Variants in NDST2 observed in about 807,000 individuals in gnomAD.
The protein encoded by NDST2 is N-deacetylase and N-sulfotransferase 2.
NDST2 carries 32 observed loss-of-function variants against 86.9 expected under a neutral mutation model. The observed-to-expected ratio is 0.37, with a 90% CI of 0.28 to 0.49. The LOEUF (loss-of-function observed/expected upper bound fraction) is 0.49, where lower values mean the gene tolerates loss of function less well. NDST2 is among the 20% of genes least tolerant of loss of function. The pLI is 0.97. For missense variants in NDST2, 950 were observed against 1,146.9 expected (o/e 0.83, Z 2.48); for synonymous variants, 409 against 437.0 (o/e 0.94, Z 0.80).
chr10:73,801,944 T>C lies in NDST2; in HGVS notation c.*507A>G. On this transcript the variant is annotated 3_prime_UTR_variant, in exon 15 of 15. Coordinates refer to ENST00000309979, the MANE Select transcript of NDST2 (RefSeq NM_003635.4). The surrounding 1 kb of genome is among the most constrained non-coding windows in gnomAD (Gnocchi z 4.9). The stretch of plus-strand genomic sequence containing the variant: ...AAATAAGGATGTTTATTAAGGACAT[T>C]TCTAGCCCACAGCTAGGGCTCATAC... 2.5e-6 allele frequency: 1 copy of C among 403,384 alleles called. No homozygotes were observed. Among genetic ancestry groups the C allele is most frequent in the South Asian group, 2.2e-5 (1 of 46,496 alleles). 25.0% of individuals were successfully genotyped at this position (403,384 alleles called of 1,614,324 possible).
In NDST2 at chr10:73,806,072, G is replaced by A. The variant is rs2084097274; in HGVS notation, c.1435-44C>T. 3 of 1,608,110 alleles carry A rather than the reference G, an allele frequency of 1.9e-6. No individual in the cohort carries two copies. Among genetic ancestry groups the A allele is most frequent in the African/African-American group, 2.7e-5 (2 of 74,750 alleles). ...ACAGATGAGATTTGAAAGATAGAAT[G>A]AGAAGTAGATGGAGGACACTGGGAT... On this transcript the variant is annotated intron_variant, in intron 6 of 14. Coordinates refer to ENST00000309979, the MANE Select transcript of NDST2 (RefSeq NM_003635.4). This position sits in a 1 kb window ranked among gnomAD's most constrained non-coding sequence, Gnocchi z 4.5.
Position 73,805,702 on chromosome 10 carries a change from C to T in NDST2, c.1631G>A (p.Ser544Asn), listed in dbSNP as rs765959805. The change falls in exon 8 of 15, where the codon AGC (serine) becomes AAC (asparagine). Residue 544 changes from serine to asparagine, a missense_variant. By Grantham distance (46) the Ser-to-Asn change is conservative. This residue lies in a region of NDST2 where 586 missense variants were observed against 714.0 expected (regional missense o/e 0.82). Transcript: ENST00000309979. ...CCAACACTGGAGGAAGCGCACCAAGCTCTCAAAGGTGTATAGGCCCAGCCG... is the reference window on the plus strand; with the variant it reads ...CCAACACTGGAGGAAGCGCACCAAGTTCTCAAAGGTGTATAGGCCCAGCCG... ...NDRLGLYTFE[S>N]LVRFLQCWTR... The T allele has an allele frequency of 1.7e-5, 28 of 1,614,086 alleles. No homozygotes were observed. Among genetic ancestry groups the T allele is most frequent in the Admixed American group, 5.0e-5 (3 of 59,998 alleles).
In NDST2 at chr10:73,803,925, G is replaced by A; in HGVS notation, c.1935C>T (p.Phe645=). 1 of 1,614,188 alleles carries A rather than the reference G, an allele frequency of 6.2e-7. No homozygotes were observed. The highest frequency in any genetic ancestry group is 8.5e-7 in the Non-Finnish European group (1 of 1,180,042). ...SPSTFEEIQF[F]NSPNYHKGID... ...TACCCTTGTGGTAATTAGGGCTGTTGAAGAACTGAATCTCCTCAAATGTGC... is the reference window on the plus strand; with the variant it reads ...TACCCTTGTGGTAATTAGGGCTGTTAAAGAACTGAATCTCCTCAAATGTGC... Residue 645 remains phenylalanine, a synonymous_variant, in exon 10 of 15, where the codon TTC becomes TTT. Transcript: ENST00000309979.
In NDST2 at chr10:73,807,000, C is replaced by G; in HGVS notation, c.1093+108G>C. The G allele has an allele frequency of 1.4e-6, 2 of 1,430,448 alleles. No homozygotes were observed. The highest frequency in any genetic ancestry group is 4.6e-5 in the East Asian group (2 of 43,740). The allele number at this position is 1,430,448 out of a possible 1,614,324, so 88.6% of individuals were successfully genotyped here. A position where few individuals can be genotyped will look rare whatever the true frequency, so the allele number is the denominator to read the frequency against. On this transcript the variant is annotated intron_variant, in intron 4 of 14. Coordinates refer to ENST00000309979, the MANE Select transcript of NDST2 (RefSeq NM_003635.4). The surrounding 1 kb of genome is among the most constrained non-coding windows in gnomAD (Gnocchi z 4.5). ...CCCACCACTAGCTCCTCACAGCAGTCTGACCCCAAACCTTGACCCTTTTCT... is the reference window on the plus strand; with the variant it reads ...CCCACCACTAGCTCCTCACAGCAGTGTGACCCCAAACCTTGACCCTTTTCT...
chr10:73,807,921 C>G lies in NDST2; in HGVS notation c.468G>C (p.Leu156=). 1 of 1,614,200 alleles carries G rather than the reference C, an allele frequency of 6.2e-7. No homozygotes were observed. The highest frequency in any genetic ancestry group is 2.2e-5 in the East Asian group (1 of 44,880). Residue 156 remains leucine (L), a synonymous_variant, in exon 3 of 15, where the codon CTG becomes CTC. Transcript: ENST00000309979. ...YVNLDAWSRE[L]LDRYCVEYGV... ...CATACTCCACGCAGTACCGGTCTAG[C>G]AGTTCCCGACTCCAGGCATCCAGGT...
At chr10:73,802,920 C>T (rs1457581899) in intron 13 of NDST2, 52 bp downstream of exon 13, 3 of 1,576,146 alleles carry the variant, frequency 1.9e-6, no homozygotes, top group Non-Finnish European at 2.6e-6. Flanking sequence ...CATGGTCAAC[C>T]TGCTTCCCCA....
intron 2 of NDST2, among the ~76,000 whole-genome samples, chr10:73,809,717 G>A (rs937647388): frequency 1.3e-5 from 2 of 152,166 alleles, no homozygotes; most frequent in South Asian, 4.1e-4. Flanking sequence ...CAGTTTTAAG[G>A]AGGTCTAATT....
intron 1 of NDST2, among the ~76,000 whole-genome samples, 161 bp from the exon 2 acceptor site, chr10:73,811,064 AGGCCGGGAC>A (rs911725440): frequency 6.6e-6 from 1 of 151,606 alleles, no homozygotes; most frequent in Non-Finnish European, 1.5e-5. Context: ...GGGCTTGGGG[AGGCCGGGAC>A]GGCCGGAGCA....
chr10:73,805,475 T>C (rs1241399213), intron 8 of NDST2, 112 bp downstream of exon 8: 14 of 1,045,658 alleles, frequency 1.3e-5, no homozygotes, highest in Non-Finnish European at 1.9e-5. Context: ...GATTGTGCCA[T>C]TGTACTCTAG....
intron 8 of NDST2, among the ~76,000 whole-genome samples, 166 bp downstream of exon 8, chr10:73,805,421 G>A (rs1400730886): frequency 1.3e-5 from 2 of 152,070 alleles, no homozygotes; most frequent in South Asian, 2.1e-4. Flanking sequence ...GGCTGAGGCA[G>A]GAGAATCGCT....
rs2084129784 is a variant in NDST2, at chr10:73,807,745, C to T, written c.644G>A (p.Ser215Asn). The T allele has an allele frequency of 1.2e-6, 2 of 1,614,054 alleles. No homozygotes were observed. The highest frequency in any genetic ancestry group is 1.3e-5 in the African/African-American group (1 of 74,928). ...AGGCAGTGGCCCTGGTTCTAGGCGG[C>T]TGGGGCGTGTGAGATGCAGTAGCGG... ...SAPLLHLTRP[S>N]RLEPGPLPGD... The change falls in exon 3 of 15, where the codon AGC (serine) becomes AAC (asparagine). Residue 215 changes from serine (S) to asparagine (N), a missense_variant. Physicochemically the swap from Ser to Asn is conservative, Grantham distance 46. Coordinates refer to ENST00000309979, the MANE Select transcript of NDST2 (RefSeq NM_003635.4).
In NDST2 at chr10:73,805,925, A is replaced by T. The variant is rs2084094437; in HGVS notation, c.1538T>A (p.Leu513His). The change falls in exon 7 of 15, where the codon CTC becomes CAC. Residue 513 changes from leucine (L) to histidine (H), a missense_variant. Physicochemically the swap from Leu to His is moderately conservative, Grantham distance 99. Transcript: ENST00000309979. ...CGGATTAAGCAGCACTGTCAGAAAGAGCTCTCCACCTCGGATGCTCCGGTC... is the reference window on the plus strand; with the variant it reads ...CGGATTAAGCAGCACTGTCAGAAAGTGCTCTCCACCTCGGATGCTCCGGTC... ...ELDRSIRGGE[L>H]FLTVLLNPIS... The T allele has an allele frequency of 6.2e-7, 1 of 1,614,198 alleles. No individual in the cohort carries two copies. Among genetic ancestry groups the T allele is most frequent in the Non-Finnish European group, 8.5e-7 (1 of 1,180,040 alleles).
rs761914289 is a variant in NDST2 at position 73,806,611 on chromosome 10, A to G, written c.1248+46T>C. 2 of 1,600,624 alleles carry G rather than the reference A, an allele frequency of 1.2e-6. No individual in the cohort carries two copies. The highest frequency in any genetic ancestry group is 3.4e-5 in the Admixed American group (2 of 59,638). ...GCCCATTAGGGGAAGGTAGAAAAGG[A>G]AGCATGGCTGGGAGAAATTATGGGG... On this transcript the variant is annotated intron_variant, in intron 5 of 14. Coordinates refer to ENST00000309979, the MANE Select transcript of NDST2 (RefSeq NM_003635.4). This position sits in a 1 kb window ranked among gnomAD's most constrained non-coding sequence, Gnocchi z 4.5.
chr10:73,811,115 C>A (rs1206903894), intron 1 of NDST2, among the ~76,000 whole-genome samples: 4 of 151,968 alleles, frequency 2.6e-5, no homozygotes, highest in Non-Finnish European at 2.9e-5. Flanking sequence ...CCGAGGGGGC[C>A]CGGGGCTGGC....
chr10:73,804,095 T>A lies in NDST2; in HGVS notation c.1844-79A>T. 2.6e-6 allele frequency: 4 copies of A among 1,537,556 alleles called. No homozygotes were observed. The Admixed American group carries it at 5.9e-5, about 23-fold the overall frequency. ...CTCAACAGCATAAGCTTGAAGGAAG[T>A]GAAAAAATAACCACTCTGGGTAGGA... On this transcript the variant is annotated intron_variant, in intron 9 of 14. Coordinates refer to ENST00000309979, the MANE Select transcript of NDST2 (RefSeq NM_003635.4).
Position 73,805,717 on chromosome 10 carries a change from A to G in NDST2, c.1616T>C (p.Leu539Pro). 6.2e-7 allele frequency: 1 copy of G among 1,614,240 alleles called. No homozygotes were observed. The highest frequency in any genetic ancestry group is 8.5e-7 in the Non-Finnish European group (1 of 1,180,044). The change falls in exon 8 of 15, where the codon CTA becomes CCA. Residue 539 changes from leucine (L) to proline (P), a missense_variant. Leu to Pro is a moderately conservative substitution (Grantham distance 98). Around this residue, in one of 5 missense-constraint regions of NDST2, gnomAD observed 586 missense variants for 714.0 expected, o/e 0.82. Transcript: ENST00000309979. ...GCGCACCAAGCTCTCAAAGGTGTAT[A>G]GGCCCAGCCGGTCATTTCCATAATT... ...LSNYGNDRLG[L>P]YTFESLVRFL...
chr10:73,802,456 C>T lies in NDST2; in HGVS notation c.2647G>A (p.Gly883Ser), dbSNP rs775977414. ...LREELQHSSL[G>S] The stretch of plus-strand genomic sequence containing the variant: ...TGGTATGGGAGGCTGGGACATCAGC[C>T]CAGACTGGAATGCTGCAGTTCTTCC... The change falls in exon 15 of 15, where the codon GGC becomes AGC. Residue 883 changes from glycine to serine, a missense_variant. Coordinates refer to ENST00000309979, the MANE Select transcript of NDST2 (RefSeq NM_003635.4). 60 of 1,612,656 alleles carry T rather than the reference C, an allele frequency of 3.7e-5. No homozygotes were observed. In the Admixed American group the frequency reaches 1.0e-3, roughly 27 times the overall value.
chr10:73,809,636 A>T (rs1483468967), intron 2 of NDST2, among the ~76,000 whole-genome samples: 1 of 152,240 alleles, frequency 6.6e-6, no homozygotes, highest in South Asian at 2.1e-4. Context: ...GGACTGGATG[A>T]CAGAGAGCAA....
intron 1 of NDST2, 89 bp downstream of exon 1, chr10:73,811,385 G>C (rs991980396): frequency 2.6e-5 from 4 of 152,704 alleles, no homozygotes; most frequent in African/African-American, 9.7e-5. Context: ...ACGACCCTGC[G>C]GGTGGTGATG....
Sources: gnomAD v4.1 joint callset for allele counts (sites outside exome capture counted in the v4.1 genomes callset) on GRCh38, gnomAD v4.1.1 for gene constraint, gnomAD v4.1.1 regional missense constraint, Gnocchi (gnomAD v3.1) non-coding constraint, MANE v1.5 for transcripts, NCBI Gene and HGNC (gene_info 2026-07-23, HGNC 2026-07-21) for gene names.